The following THEM4 variants were observed in gnomAD, a reference collection of about 807,000 sequenced individuals.
The protein encoded by THEM4 is acyl-coenzyme A thioesterase THEM4.
Under a neutral mutation model 25.0 loss-of-function variants are expected in THEM4, and 22 were observed. The observed-to-expected ratio is 0.88, with a 90% CI of 0.63 to 1.26. THEM4 has a LOEUF of 1.26. Ranked by LOEUF, THEM4 falls within the 50% of genes most tolerant of loss-of-function variation. The probability of loss-of-function intolerance (pLI) is 0.00; values close to 1 mark genes in which losing one functional copy is unlikely to be tolerated. For missense variants in THEM4, 286 were observed against 300.3 expected (o/e 0.95, Z 0.35); for synonymous variants, 113 against 105.6 (o/e 1.07, Z -0.43).
chr1:151,882,187 C>A (rs1027268650), intron 4 of THEM4, among the ~76,000 whole-genome samples: 2 of 152,016 alleles, frequency 1.3e-5, no homozygotes, highest in African/African-American at 4.8e-5. Flanking sequence ...ACCAGCATGA[C>A]CAACATGGCA....
chr1:151,884,739 G>T (rs1171782594), intron 4 of THEM4, among the ~76,000 whole-genome samples: 1 of 150,448 alleles, frequency 6.6e-6, no homozygotes, highest in African/African-American at 2.4e-5. Flanking sequence ...CCCAGGCTGG[G>T]GTACAATGGT....
chr1:151,904,682 A>G (rs1654418815), intron 1 of THEM4, among the ~76,000 whole-genome samples: 1 of 152,232 alleles, frequency 6.6e-6, no homozygotes, highest in South Asian at 2.1e-4. Flanking sequence ...TGAACTAGGT[A>G]CTGAGTAATG....
intron 3 of THEM4, among the ~76,000 whole-genome samples, chr1:151,888,748 A>G (rs1326358066): frequency 1.3e-5 from 2 of 152,172 alleles, no homozygotes; most frequent in African/African-American, 2.4e-5. Context: ...GGATTGCTTG[A>G]GCCCAGGAGT....
chr1:151,874,052 G>C lies in THEM4; in HGVS notation c.*836C>G. 6.6e-6 allele frequency: 1 copy of C among 152,216 alleles called. No homozygotes were observed. Among genetic ancestry groups the C allele is most frequent in the East Asian group, 1.9e-4 (1 of 5,204 alleles). The allele number at this position is 152,216 out of a possible 1,614,324, so 9.4% of individuals were successfully genotyped here. A position where few individuals can be genotyped will look rare whatever the true frequency, so the allele number is the denominator to read the frequency against. On this transcript the variant is annotated 3_prime_UTR_variant, in exon 6 of 6. Coordinates refer to ENST00000368814, the MANE Select transcript of THEM4 (RefSeq NM_053055.5). ...TTGGTAAGAAACAACAGTACAGCCT[G>C]GGTTAAAAATGGCACAGTGGTTTAA...
At chr1:151,897,548 C>T (rs528322576) in intron 1 of THEM4, among the ~76,000 whole-genome samples, 7 of 152,256 alleles carry the variant, frequency 4.6e-5, no homozygotes, top group South Asian at 2.1e-4. Context: ...ACCTTGTGAT[C>T]GTTCTTAATT....
intron 4 of THEM4, among the ~76,000 whole-genome samples, chr1:151,879,830 G>A (rs1653772938): frequency 6.6e-6 from 1 of 150,782 alleles, no homozygotes; most frequent in Non-Finnish European, 1.5e-5. Flanking sequence ...CTAAGTTTTT[G>A]TATTTTTAGT....
At chr1:151,900,080 A>G (rs1383582690) in intron 1 of THEM4, among the ~76,000 whole-genome samples, 3 of 152,226 alleles carry the variant, frequency 2.0e-5, no homozygotes. Context: ...AACGAAAGAT[A>G]CAGTCCTTTT....
At chr1:151,894,717 C>T (rs1035811571) in intron 2 of THEM4, 9 of 559,120 alleles carry the variant, frequency 1.6e-5, no homozygotes, top group Admixed American at 1.4e-4. Flanking sequence ...AGCCTCAAGA[C>T]GGAGAGGTGA....
chr1:151,885,265 C>T lies in THEM4; in HGVS notation c.557+3008G>A, dbSNP rs142596781. On this transcript the variant is annotated intron_variant, in intron 4 of 5. Transcript: ENST00000368814. ...CCCCAAATAGCTGGGATTACAGGCA[C>T]GTGCCACCACACCTGGGTAATTTCT... 5.9e-3 allele frequency among the ~76,000 whole-genome samples: 895 copies of T among 152,112 alleles called. 9 individuals are homozygous for T. Among genetic ancestry groups the T allele is most frequent in the African/African-American group, 0.021 (855 of 41,504 alleles).
chr1:151,895,988 CTTT>C (rs1176553580), intron 1 of THEM4, among the ~76,000 whole-genome samples: 2 of 119,208 alleles, frequency 1.7e-5, no homozygotes, highest in Non-Finnish European at 1.8e-5. Context: ...TTCTTGCTTC[CTTT>C]TTTTTTTTTT....
chr1:151,901,185 C>T (rs921698021), intron 1 of THEM4, among the ~76,000 whole-genome samples: 8 of 152,172 alleles, frequency 5.3e-5, no homozygotes, highest in African/African-American at 1.9e-4. Context: ...TGATTTCCCA[C>T]TCTACACCCT....
chr1:151,896,587 T>C (rs769998530), intron 1 of THEM4, among the ~76,000 whole-genome samples: 6 of 152,170 alleles, frequency 3.9e-5, no homozygotes, highest in Non-Finnish European at 8.8e-5. Context: ...GGTGCAAGAA[T>C]AGGGGCAGAT....
intron 1 of THEM4, among the ~76,000 whole-genome samples, chr1:151,908,609 A>C (rs943501357): frequency 1.3e-5 from 2 of 152,170 alleles, no homozygotes; most frequent in Non-Finnish European, 2.9e-5. Flanking sequence ...TTTCTTAAGG[A>C]GTGCTCAGCT....
intron 2 of THEM4, chr1:151,890,250 C>G (rs1654067787): frequency 2.2e-6 from 1 of 456,120 alleles, no homozygotes; most frequent in Non-Finnish European, 4.4e-6. Flanking sequence ...TTAACAGAAC[C>G]ATATACTCTG....
intron 1 of THEM4, 97 bp downstream of exon 1, chr1:151,909,263 G>T: frequency 9.9e-7 from 1 of 1,008,276 alleles, no homozygotes; most frequent in Non-Finnish European, 1.4e-6. Flanking sequence ...TTCTGAGATT[G>T]GCTGGTTGGG....
intron 5 of THEM4, among the ~76,000 whole-genome samples, chr1:151,876,315 G>A (rs1653669018): frequency 1.3e-5 from 2 of 152,020 alleles, no homozygotes; most frequent in Non-Finnish European, 2.9e-5. Flanking sequence ...CATTTTTCTT[G>A]CTATTGCAAA....
At chr1:151,885,660 A>G (rs760870307) in intron 4 of THEM4, among the ~76,000 whole-genome samples, 4 of 152,204 alleles carry the variant, frequency 2.6e-5, no homozygotes, top group Non-Finnish European at 5.9e-5. Flanking sequence ...TTCTCAACTC[A>G]TGTGTCATGA....
At chr1:151,883,394 C>T (rs1362120806) in intron 4 of THEM4, among the ~76,000 whole-genome samples, 1 of 151,968 alleles carries the variant, frequency 6.6e-6, no homozygotes, top group Non-Finnish European at 1.5e-5. Context: ...GGATTACAGG[C>T]GTGAGCCACG....
At chr1:151,899,776 T>C (rs920224854) in intron 1 of THEM4, among the ~76,000 whole-genome samples, 2 of 152,178 alleles carry the variant, frequency 1.3e-5, no homozygotes, top group Admixed American at 1.3e-4. Flanking sequence ...GCTAGAGATC[T>C]AGACATGCAA....
Sources: allele counts gnomAD v4.1 joint callset (sites outside exome capture counted in the v4.1 genomes callset), GRCh38; gene constraint gnomAD v4.1.1; transcripts MANE v1.5; gene names NCBI Gene and HGNC (gene_info 2026-07-23, HGNC 2026-07-21).